The following BEND6 variants were observed in gnomAD, a reference collection of about 807,000 sequenced individuals.
BEND6 encodes the protein BEN domain containing 6.
A neutral mutation model predicts 31.8 loss-of-function variants in BEND6; 24 were observed. The ratio of observed to expected loss-of-function variants is 0.75; its 90% CI spans 0.55 to 1.06. The LOEUF (loss-of-function observed/expected upper bound fraction) is 1.06. BEND6 is among the 50% of genes least tolerant of loss of function. BEND6 has a pLI of 0.00. For missense variants in BEND6, 294 were observed against 327.4 expected (o/e 0.90, Z 0.79); for synonymous variants, 109 against 114.6 (o/e 0.95, Z 0.31).
intron 1 of BEND6, among the ~76,000 whole-genome samples, chr6:56,975,119 AAAT>A (rs1187819687): frequency 2.6e-5 from 4 of 152,170 alleles, no homozygotes; most frequent in African/African-American, 7.2e-5. Flanking sequence ...CTGTCTCAAA[AAAT>A]AATAATAAAA....
chr6:56,997,311 C>A (rs559936479), intron 3 of BEND6, among the ~76,000 whole-genome samples: 1 of 152,246 alleles, frequency 6.6e-6, no homozygotes, highest in East Asian at 1.9e-4. Flanking sequence ...TCTAAAATTT[C>A]AACCTTTCTT....
intron 2 of BEND6, among the ~76,000 whole-genome samples, chr6:56,989,892 T>C (rs1826427588): frequency 6.6e-6 from 1 of 152,224 alleles, no homozygotes; most frequent in Admixed American, 6.5e-5. Context: ...TGAAGAAAAT[T>C]TCTTAATTTT....
intron 3 of BEND6, among the ~76,000 whole-genome samples, chr6:57,011,997 C>T (rs1295663213): frequency 6.6e-6 from 1 of 151,932 alleles, no homozygotes; most frequent in Admixed American, 6.6e-5. Context: ...TGGTAGTGCA[C>T]ACCTGTAGTC....
At position 56,981,826 on chromosome 6, in the gene BEND6, C is replaced by T; in HGVS notation, c.16C>T (p.Gln6Ter). 1 of 1,611,900 alleles carries T rather than the reference C, an allele frequency of 6.2e-7. No individual in the cohort carries two copies. Among genetic ancestry groups the T allele is most frequent in the Non-Finnish European group, 8.5e-7 (1 of 1,179,072 alleles). The change falls in exon 2 of 7, where the codon CAG becomes TAG. Residue 6 changes from glutamine (Q) to a stop codon, truncating the protein, a stop_gained. Transcript: ENST00000370746. LOFTEE classifies it high-confidence loss of function. MQKIV[Q>*]TDEITNTQAF... is the part of the protein sequence containing the mutation. ...AATTGAGAAAATGCAGAAGATCGTG[C>T]AGACAGATGAAATTACCAATACACA...
rs557697942 is a variant in BEND6 at position 56,961,831 on chromosome 6, C to T, written c.-101+6371C>T. Among the ~76,000 whole-genome samples the T allele has an allele frequency of 4.6e-5, 7 of 152,302 alleles. No homozygotes were observed. The South Asian group carries it at 6.2e-4, about 14-fold the overall frequency. Reference sequence around the variant, plus strand: ...GTCTGCAGACCTGGTAATTGGTGCCCTCAATCCCACCAGGGTGATTCTGCA... The same window carrying T: ...GTCTGCAGACCTGGTAATTGGTGCCTTCAATCCCACCAGGGTGATTCTGCA... On this transcript the variant is annotated intron_variant, in intron 1 of 6. Transcript: ENST00000370746.
intron 3 of BEND6, chr6:57,009,752 C>T (rs1287307933): frequency 2.0e-5 from 3 of 152,228 alleles, no homozygotes; most frequent in Middle Eastern, 3.4e-3. Context: ...AGAATGACAA[C>T]CACAATAGAT....
At chr6:56,978,845 G>C (rs1329201708) in intron 1 of BEND6, among the ~76,000 whole-genome samples, 1 of 152,152 alleles carries the variant, frequency 6.6e-6, no homozygotes, top group African/African-American at 2.4e-5. Context: ...TTTTGCTGTA[G>C]ACTTAATAAT....
intron 3 of BEND6, among the ~76,000 whole-genome samples, chr6:57,011,812 A>G (rs548834993): frequency 6.6e-6 from 1 of 152,178 alleles, no homozygotes; most frequent in South Asian, 2.1e-4. Context: ...CTAATTTCCA[A>G]GTGAGAAAAG....
chr6:56,981,471 T>TGTAACAC (rs1826065660), intron 1 of BEND6, among the ~76,000 whole-genome samples: 5 of 152,226 alleles, frequency 3.3e-5, no homozygotes, highest in Non-Finnish European at 7.3e-5. Flanking sequence ...GAAAAAGTGT[T>TGTAACAC]ACAATATTTG....
At chr6:57,008,293 C>A in intron 3 of BEND6, 1 of 700,452 alleles carries the variant, frequency 1.4e-6, no homozygotes, top group African/African-American at 1.7e-5. Context: ...AAGACTGTCT[C>A]TATTATTTTG....
At chr6:57,019,353 C>T (rs750079152) in intron 6 of BEND6, among the ~76,000 whole-genome samples, 4 of 152,064 alleles carry the variant, frequency 2.6e-5, no homozygotes, top group Non-Finnish European at 4.4e-5. Flanking sequence ...ATGTGTATGA[C>T]GTGTTAAAAT....
intron 3 of BEND6, among the ~76,000 whole-genome samples, chr6:57,013,571 C>G (rs1464917502): frequency 6.6e-6 from 1 of 152,144 alleles, no homozygotes; most frequent in African/African-American, 2.4e-5. Flanking sequence ...AGCTGCCACC[C>G]TAAGGCTATT....
chr6:56,985,786 T>C (rs1377774416), intron 2 of BEND6, among the ~76,000 whole-genome samples: 2 of 152,326 alleles, frequency 1.3e-5, no homozygotes, highest in East Asian at 3.9e-4. Context: ...TTCTGTTCGT[T>C]TTCTTGGTTA....
At chr6:56,981,448 GA>G (rs764106331) in intron 1 of BEND6, among the ~76,000 whole-genome samples, 1 of 151,930 alleles carries the variant, frequency 6.6e-6, no homozygotes, top group Non-Finnish European at 1.5e-5. Flanking sequence ...TGTTTGACAA[GA>G]AAAAAACTTA....
intron 1 of BEND6, among the ~76,000 whole-genome samples, chr6:56,967,206 G>A (rs948935599): frequency 6.6e-6 from 1 of 152,114 alleles, no homozygotes; most frequent in African/African-American, 2.4e-5. Context: ...AGAAATAGAT[G>A]GCCCACTAAA....
At chr6:56,970,623 T>C (rs1440206785) in intron 1 of BEND6, among the ~76,000 whole-genome samples, 1 of 152,248 alleles carries the variant, frequency 6.6e-6, no homozygotes, top group Admixed American at 6.5e-5. Flanking sequence ...ATTTTTTTAC[T>C]ACCTATCAGA....
At chr6:57,013,025 C>A (rs1169952627) in intron 3 of BEND6, among the ~76,000 whole-genome samples, 1 of 152,194 alleles carries the variant, frequency 6.6e-6, no homozygotes, top group African/African-American at 2.4e-5. Flanking sequence ...CCACCCAAGT[C>A]AAGCCCTCCC....
chr6:56,989,715 A>G (rs1328190878), intron 2 of BEND6, among the ~76,000 whole-genome samples: 11 of 152,100 alleles, frequency 7.2e-5, no homozygotes. Context: ...CCTTTCATAT[A>G]TTTATAAGCC....
At chr6:56,983,225 T>C (rs1369133619) in intron 2 of BEND6, among the ~76,000 whole-genome samples, 1 of 151,624 alleles carries the variant, frequency 6.6e-6, no homozygotes. Flanking sequence ...AGGAAACATA[T>C]AGATAGTAAG....
Sources: gnomAD v4.1 joint callset for allele counts (sites outside exome capture counted in the v4.1 genomes callset) on GRCh38, gnomAD v4.1.1 for gene constraint, MANE v1.5 for transcripts, NCBI Gene and HGNC (gene_info 2026-07-23, HGNC 2026-07-21) for gene names.